Variants in GAREM1 observed in about 807,000 individuals in gnomAD.
The protein encoded by GAREM1 is GRB2 associated regulator of MAPK1 subtype 1, also known as GRB2-associated and regulator of MAPK protein 1.
Under a neutral mutation model 71.3 loss-of-function variants are expected in GAREM1, and 26 were observed. The ratio of observed to expected loss-of-function variants is 0.36; its 90% CI spans 0.27 to 0.51. The LOEUF (loss-of-function observed/expected upper bound fraction) is 0.51. GAREM1 is among the 20% of genes least tolerant of loss of function. GAREM1 has a pLI of 0.95. For synonymous variants in GAREM1, 440 were observed against 433.2 expected (o/e 1.02, Z -0.20); for missense variants, 1,026 against 1,103.1 (o/e 0.93, Z 0.99).
At chr18:32,417,162 A>G (rs187281197) in intron 1 of GAREM1, among the ~76,000 whole-genome samples, 3 of 152,364 alleles carry the variant, frequency 2.0e-5, no homozygotes, top group African/African-American at 7.2e-5. Flanking sequence ...AATCAAAACT[A>G]CAATGAAATA....
At chr18:32,370,661 C>T (rs16963279) in intron 2 of GAREM1, among the ~76,000 whole-genome samples, 13,261 of 152,116 alleles carry the variant, frequency 0.087, 907 homozygotes, top group African/African-American at 0.19. Context: ...ACTGATTGAG[C>T]ACAATTCTCT....
intron 1 of GAREM1, among the ~76,000 whole-genome samples, chr18:32,448,583 G>A (rs1046300401): frequency 1.3e-5 from 2 of 151,268 alleles, no homozygotes; most frequent in African/African-American, 4.8e-5. Context: ...AGGCTCTCTA[G>A]AAAGAAGGCT....
intron 1 of GAREM1, among the ~76,000 whole-genome samples, chr18:32,436,651 T>C (rs2144266572): frequency 6.6e-6 from 1 of 152,324 alleles, no homozygotes; most frequent in African/African-American, 2.4e-5. Context: ...ATCACCTTAT[T>C]TGTACCAACA....
At chr18:32,320,421 C>G (rs1308232916) in intron 2 of GAREM1, among the ~76,000 whole-genome samples, 1 of 152,088 alleles carries the variant, frequency 6.6e-6, no homozygotes, top group Non-Finnish European at 1.5e-5. Flanking sequence ...CCCTACATTA[C>G]TTGAAGTTAG....
chr18:32,400,397 T>A lies in GAREM1; in HGVS notation c.122-7362A>T, dbSNP rs562811962. Among the ~76,000 whole-genome samples the A allele has an allele frequency of 2.0e-5, 3 of 152,210 alleles. No homozygotes were observed. In the South Asian group the frequency reaches 6.2e-4, roughly 32 times the overall value. ...CAGAGTGAATAGGCAACCTACAGAATGGGAGAAAATTCTTACAATCTACTC... is the reference window on the plus strand; with the variant it reads ...CAGAGTGAATAGGCAACCTACAGAAAGGGAGAAAATTCTTACAATCTACTC... On this transcript the variant is annotated intron_variant, in intron 1 of 5. Transcript: ENST00000269209.
intron 1 of GAREM1, among the ~76,000 whole-genome samples, chr18:32,465,199 A>C (rs1298635450): frequency 6.6e-6 from 1 of 152,198 alleles, no homozygotes; most frequent in East Asian, 1.9e-4. Context: ...CCACAAGATG[A>C]ACACCGAACA....
At chr18:32,391,504 C>A (rs2048198385) in intron 2 of GAREM1, among the ~76,000 whole-genome samples, 1 of 152,154 alleles carries the variant, frequency 6.6e-6, no homozygotes, top group Admixed American at 6.6e-5. Context: ...ATGAATACAG[C>A]AGATTAGGTA....
At chr18:32,443,206 C>T (rs907411257) in intron 1 of GAREM1, among the ~76,000 whole-genome samples, 3 of 152,012 alleles carry the variant, frequency 2.0e-5, no homozygotes, top group Admixed American at 2.0e-4. Flanking sequence ...AGAAAGCTAG[C>T]AGTAAATCTT....
intron 3 of GAREM1, 42 bp from the exon 4 acceptor site, chr18:32,288,245 T>G (rs2047047426): frequency 6.7e-7 from 1 of 1,487,188 alleles, no homozygotes; most frequent in African/African-American, 1.4e-5. Flanking sequence ...TTTCCTTTGA[T>G]CTATTCACGC....
chr18:32,422,516 A>G lies in GAREM1; in HGVS notation c.122-29481T>C, dbSNP rs74984694. Among the ~76,000 whole-genome samples, 586 of 152,296 alleles carry G rather than the reference A, an allele frequency of 3.8e-3. 7 individuals are homozygous for G. Among genetic ancestry groups the G allele is most frequent in the African/African-American group, 0.013 (560 of 41,566 alleles). ...ACTCCAGTACTTAATAATGATGCTC[A>G]ATGTATGTTTCCTGGATTAAGTTTC... On this transcript the variant is annotated intron_variant, in intron 1 of 5. Transcript: ENST00000269209.
intron 1 of GAREM1, among the ~76,000 whole-genome samples, chr18:32,421,976 C>G (rs758648913): frequency 6.6e-6 from 1 of 152,036 alleles, no homozygotes; most frequent in Non-Finnish European, 1.5e-5. Context: ...CTAAAATTAT[C>G]CTTTCTCCTA....
At chr18:32,340,298 TA>T (rs1231547585) in intron 2 of GAREM1, among the ~76,000 whole-genome samples, 1 of 152,214 alleles carries the variant, frequency 6.6e-6, no homozygotes, top group Non-Finnish European at 1.5e-5. Context: ...AAGAAGTATG[TA>T]ATTATAACTA....
chr18:32,323,707 T>C (rs886902685), intron 2 of GAREM1, among the ~76,000 whole-genome samples: 1 of 152,108 alleles, frequency 6.6e-6, no homozygotes, highest in Non-Finnish European at 1.5e-5. Flanking sequence ...AGACCCTATC[T>C]CAAATAAACA....
At chr18:32,370,286 G>T (rs1162093395) in intron 2 of GAREM1, among the ~76,000 whole-genome samples, 1 of 151,960 alleles carries the variant, frequency 6.6e-6, no homozygotes, top group Non-Finnish European at 1.5e-5. Flanking sequence ...AAATTAGCTG[G>T]ACGTGGTGGC....
chr18:32,457,399 G>T (rs1599062356), intron 1 of GAREM1, among the ~76,000 whole-genome samples: 1 of 151,806 alleles, frequency 6.6e-6, no homozygotes, highest in African/African-American at 2.4e-5. Context: ...ACTACAAATA[G>T]TATTTATACT....
At chr18:32,438,403 A>G (rs1174011281) in intron 1 of GAREM1, among the ~76,000 whole-genome samples, 2 of 152,182 alleles carry the variant, frequency 1.3e-5, no homozygotes, top group Non-Finnish European at 2.9e-5. Context: ...CTGTGATGAC[A>G]GCTAGCGCTC....
chr18:32,318,779 C>G (rs1204419247), intron 2 of GAREM1, among the ~76,000 whole-genome samples: 1 of 152,190 alleles, frequency 6.6e-6, no homozygotes, highest in Non-Finnish European at 1.5e-5. Context: ...CTGAGGCCCA[C>G]AGTGTCCATC....
chr18:32,378,897 T>A (rs1422461154), intron 2 of GAREM1, among the ~76,000 whole-genome samples: 1 of 152,132 alleles, frequency 6.6e-6, no homozygotes, highest in Non-Finnish European at 1.5e-5. Flanking sequence ...CAAAGGGTTA[T>A]CTCTAAAACA....
chr18:32,470,783 TCGC>T lies in GAREM1; in HGVS notation c.-358_-356del, dbSNP rs1191387820. Reference sequence around the variant, plus strand: ...GTCTGCAGCTGCGGCGGCCGCCCGCTCGCCTCCTCCTCCTCTTACCCCTCCTTC... The same window carrying T: ...GTCTGCAGCTGCGGCGGCCGCCCGCTCTCCTCCTCCTCTTACCCCTCCTTC... On this transcript the variant is annotated 5_prime_UTR_variant, in exon 1 of 6. Coordinates refer to ENST00000269209, the MANE Select transcript of GAREM1 (RefSeq NM_001242409.2). This position sits in a 1 kb window ranked among gnomAD's most constrained non-coding sequence, Gnocchi z 4.4. Among the ~76,000 whole-genome samples, 1 of 149,626 alleles carries T rather than the reference TCGC, an allele frequency of 6.7e-6. No homozygotes were observed. The highest frequency in any genetic ancestry group is 2.4e-5 in the African/African-American group (1 of 41,104).
Sources: allele counts gnomAD v4.1 joint callset (sites outside exome capture counted in the v4.1 genomes callset), GRCh38; gene constraint gnomAD v4.1.1; non-coding constraint Gnocchi (gnomAD v3.1); transcripts MANE v1.5; gene names NCBI Gene and HGNC (gene_info 2026-07-23, HGNC 2026-07-21).